Variants in ATP8A2 observed in about 807,000 individuals in gnomAD.
The protein encoded by ATP8A2 is phospholipid-transporting ATPase IB.
In ATP8A2, 100 loss-of-function variants were observed where a neutral mutation model predicts 165.6. That is an observed-to-expected ratio of 0.60 (90% CI 0.51 to 0.71). The LOEUF (loss-of-function observed/expected upper bound fraction) is 0.71. Ranked by LOEUF, ATP8A2 falls within the 30% of genes least tolerant of loss-of-function variation. The pLI, the probability that ATP8A2 is intolerant of heterozygous loss-of-function variation, is 0.00. For synonymous variants in ATP8A2, 543 were observed against 548.8 expected (o/e 0.99, Z 0.15); for missense variants, 1,227 against 1,479.5 (o/e 0.83, Z 2.80).
intron 2 of ATP8A2, among the ~76,000 whole-genome samples, chr13:25,480,892 G>A (rs1015275503): frequency 6.6e-5 from 10 of 151,926 alleles, no homozygotes; most frequent in South Asian, 4.2e-4. Flanking sequence ...ACCAGACACC[G>A]TCTGCAATCC....
intron 2 of ATP8A2, among the ~76,000 whole-genome samples, chr13:25,490,450 T>C (rs1453163762): frequency 1.3e-5 from 2 of 152,210 alleles, no homozygotes; most frequent in African/African-American, 4.8e-5. Flanking sequence ...CAGTCCCAGC[T>C]GGCATCTCCA....
rs931763961 is a variant in ATP8A2 at position 25,989,809 on chromosome 13, C to T, written c.3377+21130C>T. ...GTTCCTTCAACGTGGCCATTGTTCTCATGCTTCCCGGAAGGGTGAACTTTG... is the reference window on the plus strand; with the variant it reads ...GTTCCTTCAACGTGGCCATTGTTCTTATGCTTCCCGGAAGGGTGAACTTTG... On this transcript the variant is annotated intron_variant, in intron 35 of 36. Transcript: ENST00000381655. Among the ~76,000 whole-genome samples the T allele has an allele frequency of 4.0e-4, 61 of 152,218 alleles. 1 individual carries two copies. The highest frequency in any genetic ancestry group is 1.4e-3 in the African/African-American group (59 of 41,456).
At chr13:25,492,413 A>G (rs1385388718) in intron 2 of ATP8A2, among the ~76,000 whole-genome samples, 1 of 152,062 alleles carries the variant, frequency 6.6e-6, no homozygotes, top group Non-Finnish European at 1.5e-5. Context: ...GGTCAATTTT[A>G]TGTTCTTTAT....
rs115638539 is a variant in ATP8A2 at position 25,831,543 on chromosome 13, G to A, written c.2754+3351G>A. Among the ~76,000 whole-genome samples the A allele has an allele frequency of 3.2e-3, 481 of 152,166 alleles. 5 individuals carry two copies. Among genetic ancestry groups the A allele is most frequent in the African/African-American group, 0.011 (461 of 41,544 alleles). On this transcript the variant is annotated intron_variant, in intron 28 of 36. Transcript: ENST00000381655. ...AACTAATTTTCATAACAAGTTAATA[G>A]CATTAAAACAGACTTGAGGCCGGGC...
chr13:25,777,450 G>T (rs1223419263), intron 27 of ATP8A2, among the ~76,000 whole-genome samples: 5 of 152,138 alleles, frequency 3.3e-5, no homozygotes, highest in Non-Finnish European at 7.4e-5. Context: ...TATTTGCAAA[G>T]AATACTTTTT....
At chr13:25,531,263 A>ATATATATGATATATATGATATATGT (rs2038051105) in intron 4 of ATP8A2, among the ~76,000 whole-genome samples, 2 of 85,512 alleles carry the variant, frequency 2.3e-5, no homozygotes, top group Admixed American at 1.3e-4. Flanking sequence ...GATATATATG[A>ATATATATGATATATATGATATATGT]TATATATGAT....
intron 24 of ATP8A2, among the ~76,000 whole-genome samples, chr13:25,653,326 T>G (rs2041857040): frequency 1.3e-5 from 2 of 152,176 alleles, no homozygotes; most frequent in Admixed American, 6.5e-5. Context: ...CTGGAGTTAT[T>G]AGCCTTAGCA....
intron 33 of ATP8A2, among the ~76,000 whole-genome samples, chr13:25,926,954 C>T (rs1954623513): frequency 6.6e-6 from 1 of 152,244 alleles, no homozygotes; most frequent in Non-Finnish European, 1.5e-5. Flanking sequence ...GCCCAGAGAG[C>T]CCTGGGAGGG....
intron 1 of ATP8A2, among the ~76,000 whole-genome samples, chr13:25,447,705 T>C (rs1051768117): frequency 6.6e-6 from 1 of 152,180 alleles, no homozygotes; most frequent in Non-Finnish European, 1.5e-5. Context: ...GGTGACAGCC[T>C]TGTACTCTGC....
chr13:25,643,898 T>G (rs1007804562), intron 24 of ATP8A2, among the ~76,000 whole-genome samples: 1 of 152,092 alleles, frequency 6.6e-6, no homozygotes, highest in African/African-American at 2.4e-5. Context: ...AACATTGTTT[T>G]TTTCATTTAT....
intron 1 of ATP8A2, among the ~76,000 whole-genome samples, chr13:25,419,418 G>C (rs571973697): frequency 4.6e-5 from 7 of 152,124 alleles, no homozygotes; most frequent in Non-Finnish European, 8.8e-5. Context: ...AAGCATACAC[G>C]TTTCATGTAA....
intron 33 of ATP8A2, among the ~76,000 whole-genome samples, chr13:25,931,863 A>G (rs1427170738): frequency 6.6e-6 from 1 of 151,896 alleles, no homozygotes; most frequent in East Asian, 1.9e-4. Flanking sequence ...CCTGGCCAAC[A>G]TGGAGAAACC....
chr13:25,685,870 G>A (rs2042590528), intron 24 of ATP8A2, among the ~76,000 whole-genome samples: 2 of 152,150 alleles, frequency 1.3e-5, no homozygotes, highest in African/African-American at 4.8e-5. Context: ...GAGGCCCAGG[G>A]ACAGTTCAGG....
intron 1 of ATP8A2, among the ~76,000 whole-genome samples, chr13:25,430,468 C>T (rs1051407330): frequency 9.2e-5 from 14 of 152,048 alleles, no homozygotes; most frequent in African/African-American, 2.7e-4. Context: ...TCATTGACCT[C>T]GGCAGAGCAA....
intron 24 of ATP8A2, among the ~76,000 whole-genome samples, chr13:25,623,872 A>G (rs4354787): frequency 0.51 from 77,084 of 151,948 alleles, 20,874 homozygotes; most frequent in Admixed American, 0.61. Context: ...AGATATATGC[A>G]TATACCTATA....
At chr13:25,474,227 A>T (rs2035928646) in intron 2 of ATP8A2, among the ~76,000 whole-genome samples, 2 of 152,180 alleles carry the variant, frequency 1.3e-5, no homozygotes, top group African/African-American at 2.4e-5. Context: ...ATTTTTGGTA[A>T]GTTTTTGTTG....
chr13:25,731,401 GAGAA>G lies in ATP8A2; in HGVS notation c.2384+32064_2384+32067del, dbSNP rs1032670986. On this transcript the variant is annotated intron_variant, in intron 25 of 36. Coordinates refer to ENST00000381655, the MANE Select transcript of ATP8A2 (RefSeq NM_016529.6). ...AGAGGGAGGAAGAAAAAGGAAGAAA[GAGAA>G]AGAAAGAGAGAGGTGGGAATAAAGA... 2.9e-3 allele frequency among the ~76,000 whole-genome samples: 440 copies of G among 152,150 alleles called. 1 individual carries two copies. Among genetic ancestry groups the G allele is most frequent in the African/African-American group, 8.7e-3 (360 of 41,500 alleles).
intron 27 of ATP8A2, among the ~76,000 whole-genome samples, chr13:25,800,368 A>T (rs188294740): frequency 4.7e-4 from 71 of 152,350 alleles, no homozygotes; most frequent in Non-Finnish European, 7.6e-4. Flanking sequence ...TGATTATAAA[A>T]CAACAAATTG....
chr13:25,746,609 C>A (rs184274222), intron 25 of ATP8A2, among the ~76,000 whole-genome samples: 1 of 152,314 alleles, frequency 6.6e-6, no homozygotes, highest in East Asian at 1.9e-4. Context: ...ATGTTTCCTG[C>A]TCATTTGTGG....
Sources: allele counts gnomAD v4.1 joint callset (sites outside exome capture counted in the v4.1 genomes callset), GRCh38; gene constraint gnomAD v4.1.1; transcripts MANE v1.5; gene names NCBI Gene and HGNC (gene_info 2026-07-23, HGNC 2026-07-21).